ADAMTS12: variants seen among roughly 807,000 people sequenced by gnomAD.
The protein encoded by ADAMTS12 is ADAM metallopeptidase with thrombospondin type 1 motif 12.
A neutral mutation model predicts 167.8 loss-of-function variants in ADAMTS12; 118 were observed. The ratio of observed to expected loss-of-function variants is 0.70; its 90% CI spans 0.61 to 0.82. The LOEUF is 0.82. Ranked by LOEUF, ADAMTS12 falls within the 40% of genes least tolerant of loss-of-function variation. ADAMTS12 has a pLI of 0.00. For synonymous variants in ADAMTS12, 704 were observed against 716.9 expected (o/e 0.98, Z 0.29); for missense variants, 1,916 against 1,998.8 (o/e 0.96, Z 0.79).
At chr5:33,699,687 T>C (rs1742929328) in intron 3 of ADAMTS12, among the ~76,000 whole-genome samples, 1 of 152,152 alleles carries the variant, frequency 6.6e-6, no homozygotes, top group Non-Finnish European at 1.5e-5. Context: ...CAGATTGTTG[T>C]ACACATTAAA....
intron 13 of ADAMTS12, among the ~76,000 whole-genome samples, chr5:33,628,946 C>T (rs1739791663): frequency 6.6e-6 from 1 of 152,032 alleles, no homozygotes; most frequent in Non-Finnish European, 1.5e-5. Context: ...ACTTGATTGG[C>T]CTCAAGAAAG....
At chr5:33,595,298 T>A (rs1175850699) in intron 17 of ADAMTS12, among the ~76,000 whole-genome samples, 1 of 152,208 alleles carries the variant, frequency 6.6e-6, no homozygotes, top group Non-Finnish European at 1.5e-5. Flanking sequence ...GGCTGTCAAC[T>A]GAGGATGATT....
At chr5:33,822,817 G>A in intron 2 of ADAMTS12, among the ~76,000 whole-genome samples, 1 of 152,122 alleles carries the variant, frequency 6.6e-6, no homozygotes, top group Non-Finnish European at 1.5e-5. Flanking sequence ...GCCGGGAATG[G>A]TGGCTCACGC....
intron 2 of ADAMTS12, among the ~76,000 whole-genome samples, chr5:33,756,224 G>A (rs967076471): frequency 5.9e-5 from 9 of 152,228 alleles, no homozygotes; most frequent in Admixed American, 3.3e-4. Flanking sequence ...ATGGCCTCTG[G>A]TGGCACTGGG....
intron 2 of ADAMTS12, among the ~76,000 whole-genome samples, chr5:33,781,635 C>T (rs1290012335): frequency 2.0e-5 from 3 of 152,172 alleles, no homozygotes; most frequent in Non-Finnish European, 1.5e-5. Context: ...AAAGGTCAAC[C>T]AGTAAATTTA....
intron 19 of ADAMTS12, among the ~76,000 whole-genome samples, chr5:33,569,283 G>A (rs1422493580): frequency 2.6e-5 from 4 of 152,380 alleles, no homozygotes; most frequent in Non-Finnish European, 5.9e-5. Flanking sequence ...AGAACGGGCA[G>A]ACTGCCTCCT....
chr5:33,621,447 C>A (rs1739328157), intron 14 of ADAMTS12, among the ~76,000 whole-genome samples: 2 of 150,524 alleles, frequency 1.3e-5, no homozygotes, highest in African/African-American at 4.9e-5. Context: ...GAGGATGCGG[C>A]AAAAGATAGG....
chr5:33,707,965 G>A (rs1743258407), intron 3 of ADAMTS12, among the ~76,000 whole-genome samples: 1 of 151,592 alleles, frequency 6.6e-6, no homozygotes. Context: ...ATCTAATTAA[G>A]AGCTTCTGCA....
chr5:33,736,700 T>C (rs1168054106), intron 3 of ADAMTS12, among the ~76,000 whole-genome samples: 1 of 152,212 alleles, frequency 6.6e-6, no homozygotes, highest in Non-Finnish European at 1.5e-5. Context: ...GTCCTTTCAC[T>C]CACACACATT....
chr5:33,856,273 A>T (rs138290477), intron 2 of ADAMTS12, among the ~76,000 whole-genome samples: 13 of 152,196 alleles, frequency 8.5e-5, no homozygotes, highest in Non-Finnish European at 1.5e-4. Context: ...GTTTGAGACT[A>T]AATAACTCAG....
intron 15 of ADAMTS12, among the ~76,000 whole-genome samples, chr5:33,615,377 G>A (rs1239205257): frequency 6.6e-6 from 1 of 152,140 alleles, no homozygotes; most frequent in Non-Finnish European, 1.5e-5. Flanking sequence ...TGCCCAATAT[G>A]AAAGATAAAT....
chr5:33,603,447 CG>C (rs1392564655), intron 16 of ADAMTS12: 9 of 152,256 alleles, frequency 5.9e-5, no homozygotes, highest in African/African-American at 2.2e-4. Context: ...TTAAGCCTTC[CG>C]TAATGCATGG....
intron 2 of ADAMTS12, among the ~76,000 whole-genome samples, chr5:33,842,844 A>G (rs1171765852): frequency 6.6e-6 from 1 of 152,192 alleles, no homozygotes; most frequent in Non-Finnish European, 1.5e-5. Context: ...GGCTAGAAAA[A>G]CTACAAAAGA....
intron 2 of ADAMTS12, among the ~76,000 whole-genome samples, chr5:33,789,937 G>T (rs927326042): frequency 1.4e-5 from 1 of 69,666 alleles, no homozygotes. Context: ...AAGCAAATCC[G>T]CTATCTCATG....
At chr5:33,824,007 T>C (rs1747965788) in intron 2 of ADAMTS12, among the ~76,000 whole-genome samples, 1 of 152,174 alleles carries the variant, frequency 6.6e-6, no homozygotes, top group Admixed American at 6.5e-5. Context: ...TTTTTACTGG[T>C]CAGTTATATA....
intron 3 of ADAMTS12, among the ~76,000 whole-genome samples, chr5:33,716,716 T>C (rs1743628576): frequency 6.6e-6 from 1 of 152,148 alleles, no homozygotes; most frequent in South Asian, 2.1e-4. Context: ...ACGAACAAAA[T>C]ACATTTTGAA....
chr5:33,707,014 G>A (rs1042736823), intron 3 of ADAMTS12, among the ~76,000 whole-genome samples: 26 of 152,092 alleles, frequency 1.7e-4, no homozygotes, highest in African/African-American at 6.3e-4. Flanking sequence ...AAGTCAAATT[G>A]TCTCTGTTTG....
At chr5:33,552,727 ATG>A (rs1745306853) in intron 20 of ADAMTS12, among the ~76,000 whole-genome samples, 1 of 152,212 alleles carries the variant, frequency 6.6e-6, no homozygotes, top group Non-Finnish European at 1.5e-5. Flanking sequence ...CTGTTGGCCC[ATG>A]TGTCTGTTTT....
At chr5:33,747,394 C>T (rs1241604889) in intron 3 of ADAMTS12, among the ~76,000 whole-genome samples, 1 of 151,992 alleles carries the variant, frequency 6.6e-6, no homozygotes, top group Non-Finnish European at 1.5e-5. Context: ...AGACTAACTA[C>T]ATGTAAAAGT....
Sources: allele counts gnomAD v4.1 joint callset (sites outside exome capture counted in the v4.1 genomes callset), GRCh38; gene constraint gnomAD v4.1.1; transcripts MANE v1.5; gene names NCBI Gene and HGNC (gene_info 2026-07-23, HGNC 2026-07-21).